TMEFF2: variants seen among roughly 807,000 people sequenced by gnomAD.
TMEFF2 encodes the protein transmembrane protein with EGF like and two follistatin like domains 2, also known as tomoregulin-2.
A neutral mutation model predicts 53.8 loss-of-function variants in TMEFF2; 28 were observed. The observed-to-expected ratio is 0.52, with a 90% CI of 0.39 to 0.71. The LOEUF (loss-of-function observed/expected upper bound fraction) is 0.71, where lower values mean the gene tolerates loss of function less well. TMEFF2 is among the 30% of genes least tolerant of loss of function. The pLI is 0.00. For synonymous variants in TMEFF2, 162 were observed against 166.3 expected (o/e 0.97, Z 0.20); for missense variants, 353 against 455.2 (o/e 0.78, Z 2.04).
chr2:192,100,639 CAGTAA>C (rs1440254887), intron 4 of TMEFF2, among the ~76,000 whole-genome samples: 4 of 152,046 alleles, frequency 2.6e-5, no homozygotes, highest in African/African-American at 7.2e-5. Flanking sequence ...TAGAGATAGC[CAGTAA>C]AGTAGAGCTG....
intron 5 of TMEFF2, among the ~76,000 whole-genome samples, chr2:192,010,237 G>A (rs765170993): frequency 3.3e-5 from 5 of 152,100 alleles, no homozygotes; most frequent in Non-Finnish European, 5.9e-5. Flanking sequence ...CAAACCAGCC[G>A]TTCCTCACTG....
intron 4 of TMEFF2, among the ~76,000 whole-genome samples, chr2:192,059,546 C>T (rs1173222580): frequency 2.0e-5 from 3 of 152,146 alleles, no homozygotes; most frequent in African/African-American, 7.2e-5. Flanking sequence ...CAGACTAAAG[C>T]TTCCCATTAC....
In TMEFF2 at chr2:192,132,655, C is replaced by T. The variant is rs564653157; in HGVS notation, c.439+47013G>A. 1.5e-4 allele frequency among the ~76,000 whole-genome samples: 23 copies of T among 152,280 alleles called. No homozygotes were observed. In the South Asian group the frequency reaches 1.7e-3, roughly 11 times the overall value. On this transcript the variant is annotated intron_variant, in intron 4 of 9. Coordinates refer to ENST00000272771, the MANE Select transcript of TMEFF2 (RefSeq NM_016192.4). ...GAACTTCCAAACGCCTGAACTGCAG[C>T]GGCCAGGCGTTCCTCCAGGCCCGCT...
intron 4 of TMEFF2, among the ~76,000 whole-genome samples, chr2:192,169,990 T>C (rs1045152777): frequency 2.6e-5 from 4 of 151,892 alleles, no homozygotes; most frequent in Non-Finnish European, 5.9e-5. Context: ...TTAACTGTAC[T>C]ACTAATTCCT....
At chr2:192,146,789 C>G (rs1690263302) in intron 4 of TMEFF2, among the ~76,000 whole-genome samples, 1 of 152,068 alleles carries the variant, frequency 6.6e-6, no homozygotes, top group Admixed American at 6.6e-5. Flanking sequence ...GCACCCAGAG[C>G]CATATTCATG....
intron 4 of TMEFF2, among the ~76,000 whole-genome samples, chr2:192,135,063 A>C (rs1329876718): frequency 1.3e-5 from 2 of 152,214 alleles, no homozygotes; most frequent in Non-Finnish European, 2.9e-5. Flanking sequence ...ATTAGGCCCC[A>C]GTCTCATTCC....
chr2:192,126,226 T>G (rs1689675946), intron 4 of TMEFF2, among the ~76,000 whole-genome samples: 1 of 152,200 alleles, frequency 6.6e-6, no homozygotes, highest in South Asian at 2.1e-4. Context: ...TCATTACATT[T>G]AGTTGCATAT....
At chr2:192,069,988 G>GTGTGTATATATATA (rs1340532324) in intron 4 of TMEFF2, among the ~76,000 whole-genome samples, 1 of 118,808 alleles carries the variant, frequency 8.4e-6, no homozygotes, top group Non-Finnish European at 1.8e-5. Flanking sequence ...GTGTGTGTGT[G>GTGTGTATATATATA]TATATATATA....
At chr2:191,959,458 T>C (rs1281143583) in intron 7 of TMEFF2, among the ~76,000 whole-genome samples, 1 of 152,234 alleles carries the variant, frequency 6.6e-6, no homozygotes, top group African/African-American at 2.4e-5. Flanking sequence ...TCATATTGTT[T>C]CTACCCTGGT....
At chr2:192,170,677 T>C (rs1446550742) in intron 4 of TMEFF2, among the ~76,000 whole-genome samples, 1 of 152,050 alleles carries the variant, frequency 6.6e-6, no homozygotes, top group Non-Finnish European at 1.5e-5. Context: ...CAGAATAGGT[T>C]TGTGGAAGCA....
intron 4 of TMEFF2, among the ~76,000 whole-genome samples, chr2:192,143,887 C>T (rs866179173): frequency 7.9e-5 from 12 of 152,114 alleles, no homozygotes; most frequent in African/African-American, 2.9e-4. Context: ...TTTGCACATA[C>T]AGCGGTTTAT....
At chr2:192,006,196 C>T (rs995470575) in intron 5 of TMEFF2, among the ~76,000 whole-genome samples, 3 of 151,804 alleles carry the variant, frequency 2.0e-5, no homozygotes, top group African/African-American at 4.8e-5. Context: ...TCATCTTGCA[C>T]GTGGAAAAAG....
At chr2:192,078,460 C>G (rs969812583) in intron 4 of TMEFF2, among the ~76,000 whole-genome samples, 2 of 152,138 alleles carry the variant, frequency 1.3e-5, no homozygotes, top group Non-Finnish European at 2.9e-5. Flanking sequence ...TCCTTTTCCT[C>G]AGAATTAATT....
chr2:192,168,644 AT>A (rs985684275), intron 4 of TMEFF2, among the ~76,000 whole-genome samples: 11 of 151,872 alleles, frequency 7.2e-5, no homozygotes, highest in African/African-American at 2.4e-4. Context: ...GCATGCCATT[AT>A]TTTTTTATTG....
chr2:192,036,865 A>G (rs904463412), intron 5 of TMEFF2: 3 of 152,138 alleles, frequency 2.0e-5, no homozygotes, highest in African/African-American at 7.2e-5. Flanking sequence ...TAAATATCCA[A>G]TCTTAAGTAG....
chr2:192,173,133 G>T (rs1012199757), intron 4 of TMEFF2, among the ~76,000 whole-genome samples: 2 of 151,704 alleles, frequency 1.3e-5, no homozygotes, highest in African/African-American at 2.4e-5. Flanking sequence ...ACAACTAAAA[G>T]AATACAATAG....
intron 4 of TMEFF2, among the ~76,000 whole-genome samples, chr2:192,171,459 A>G (rs1218078554): frequency 6.6e-6 from 1 of 151,976 alleles, no homozygotes; most frequent in Non-Finnish European, 1.5e-5. Context: ...CACCAGTCAG[A>G]TTACAACATT....
chr2:192,091,978 A>G (rs911199996), intron 4 of TMEFF2, among the ~76,000 whole-genome samples: 2 of 152,136 alleles, frequency 1.3e-5, no homozygotes, highest in African/African-American at 4.8e-5. Context: ...AAAGTTTTAA[A>G]AACATACAGC....
At chr2:192,107,969 CAG>C (rs1174156454) in intron 4 of TMEFF2, among the ~76,000 whole-genome samples, 6 of 150,440 alleles carry the variant, frequency 4.0e-5, no homozygotes, top group Non-Finnish European at 8.9e-5. Flanking sequence ...TTTTAGAAAA[CAG>C]ATAATTTCTG....
Sources: allele counts gnomAD v4.1 joint callset (sites outside exome capture counted in the v4.1 genomes callset), GRCh38; gene constraint gnomAD v4.1.1; transcripts MANE v1.5; gene names NCBI Gene and HGNC (gene_info 2026-07-23, HGNC 2026-07-21).